Variants in TTN observed in about 807,000 individuals in gnomAD.
TTN encodes the protein connectin.
In TTN, 1,525 loss-of-function variants were observed where a neutral mutation model predicts 3,223.0. The observed-to-expected ratio is 0.47, with a 90% CI of 0.45 to 0.49. TTN has a LOEUF of 0.49. Among genes scored for constraint, TTN ranks in the 20% least tolerant of loss-of-function variants. The pLI is 0.00. For missense variants in TTN, 40,786 were observed against 43,424.0 expected (o/e 0.94, Z 5.40); for synonymous variants, 14,094 against 15,161.0 (o/e 0.93, Z 5.17).
chr2:178,673,439 G>A (rs1386954266), intron 152 of TTN, among the ~76,000 whole-genome samples, 194 bp downstream of exon 152: 1 of 151,600 alleles, frequency 6.6e-6, no homozygotes, highest in Non-Finnish European at 1.5e-5. Flanking sequence ...TAATTCATAC[G>A]TAAACACATG....
At chr2:178,543,692 C>A in intron 346 of TTN, 30 bp from the exon 347 acceptor site, 1 of 1,540,662 alleles carries the variant, frequency 6.5e-7, no homozygotes, top group South Asian at 1.2e-5. Flanking sequence ...ATTCATATTT[C>A]CTATTTGCCT....
chr2:178,708,415 GAGTA>G (rs1183559833), intron 99 of TTN, among the ~76,000 whole-genome samples: 1 of 152,174 alleles, frequency 6.6e-6, no homozygotes, highest in Admixed American at 6.5e-5. Context: ...AGACATTGAT[GAGTA>G]ACATGATAGG....
chr2:178,756,552 C>A lies in TTN; in HGVS notation c.10924G>T (p.Ala3642Ser). 6.2e-7 allele frequency: 1 copy of A among 1,611,346 alleles called. No homozygotes were observed. Among genetic ancestry groups the A allele is most frequent in the South Asian group, 1.1e-5 (1 of 90,878 alleles). ...TCCTTAGATAGCTCAGTGCTTTCTG[C>A]AATTTGTGAAAGGGATGCAGTATGG... ...LCHTASLSQI[A>S]ESTELSKECA... The change falls in exon 46 of 363, where the codon GCA (alanine) becomes TCA (serine). Residue 3642 changes from alanine to serine, a missense_variant. Coordinates refer to ENST00000589042, the MANE Select transcript of TTN (RefSeq NM_001267550.2).
At position 178,702,457 on chromosome 2, in the gene TTN, C is replaced by T; in HGVS notation, c.30430G>A (p.Glu10144Lys). 6.2e-7 allele frequency: 1 copy of T among 1,613,816 alleles called. No individual in the cohort carries two copies. The highest frequency in any genetic ancestry group is 8.5e-7 in the Non-Finnish European group (1 of 1,179,882). ...GGAAAACTGTCAATGAAATCACCTT[C>T]ATCGTCTGGGGTCACATTGTGGATG... ...MTIHNVTPDD[E>K]GVYSVIARLE... Residue 10144 changes from glutamate (E) to lysine (K), a missense_variant, in exon 107 of 363, where the codon GAA becomes AAA. Coordinates refer to ENST00000589042, the MANE Select transcript of TTN (RefSeq NM_001267550.2).
At position 178,553,613 on chromosome 2, in the gene TTN, A is replaced by G. The variant is rs886055232; in HGVS notation, c.89392T>C (p.Ser29798Pro). Residue 29798 changes from serine (S) to proline (P), a missense_variant, in exon 334 of 363, where the codon TCC (serine) becomes CCC (proline). Transcript: ENST00000589042. The part of the protein sequence containing the change: ...GEVRTTEYVV[S>P]NLKPGVNYYF... ...TAATTGACTCCAGGTTTCAGGTTGG[A>G]TACCACATATTCTGTAGTTCTGACC... 1 of 1,613,894 alleles carries G rather than the reference A, an allele frequency of 6.2e-7. No individual in the cohort carries two copies. The highest frequency in any genetic ancestry group is 8.5e-7 in the Non-Finnish European group (1 of 1,179,810).
intron 112 of TTN, 78 bp downstream of exon 112, chr2:178,698,765 T>G: frequency 7.4e-7 from 1 of 1,351,580 alleles, no homozygotes; most frequent in Middle Eastern, 1.9e-4. Flanking sequence ...TACCCTTCCT[T>G]CACCCTCCAC....
At chr2:178,792,870 C>T (rs1257055162) in intron 9 of TTN, among the ~76,000 whole-genome samples, 1 of 152,332 alleles carries the variant, frequency 6.6e-6, no homozygotes, top group East Asian at 1.9e-4. Flanking sequence ...TACTAACTGG[C>T]ATTTTCCAAT....
In TTN at chr2:178,776,585, C is replaced by A; in HGVS notation, c.5279G>T (p.Cys1760Phe). ...ATATGCAACGCCATAATCAAGGCTGCAGTACCCAAATTCATTGATCATACG... is the reference window on the plus strand; with the variant it reads ...ATATGCAACGCCATAATCAAGGCTGAAGTACCCAAATTCATTGATCATACG... The part of the protein sequence containing the change: ...RLRMINEFGY[C>F]SLDYGVAYSR... Residue 1760 changes from cysteine to phenylalanine, a missense_variant, in exon 28 of 363, where the codon TGC (cysteine) becomes TTC (phenylalanine). Coordinates refer to ENST00000589042, the MANE Select transcript of TTN (RefSeq NM_001267550.2). The A allele has an allele frequency of 6.2e-7, 1 of 1,613,834 alleles. No homozygotes were observed.
In TTN at chr2:178,711,144, G is replaced by C. The variant is rs771195179; in HGVS notation, c.28092C>G (p.Asp9364Glu). The stretch of plus-strand genomic sequence containing the variant: ...AGGAATACTGGCCTGCAAGGCTCCG[G>C]TCAGTTTTAAAAATATTGAGTGTGG... ...NTATLNIFKT[D>E]RSLAGQYSCT... Residue 9364 changes from aspartate to glutamate, a missense_variant, in exon 97 of 363, where the codon GAC becomes GAG. Physicochemically the swap from Asp to Glu is conservative, Grantham distance 45. Coordinates refer to ENST00000589042, the MANE Select transcript of TTN (RefSeq NM_001267550.2). The C allele has an allele frequency of 1.1e-5, 17 of 1,613,732 alleles. 1 individual carries two copies. The highest frequency in any genetic ancestry group is 8.0e-5 in the African/African-American group (6 of 74,920).
At chr2:178,725,256 G>A in intron 71 of TTN, 112 bp downstream of exon 71, 1 of 1,172,770 alleles carries the variant, frequency 8.5e-7, no homozygotes, top group East Asian at 2.8e-5. Context: ...CTTTCAAATA[G>A]ATGAGGATAA....
rs776748717 is a variant in TTN at position 178,727,608 on chromosome 2, C to A, written c.19970G>T (p.Cys6657Phe). The A allele has an allele frequency of 2.5e-6, 4 of 1,589,152 alleles. No individual in the cohort carries two copies. Among genetic ancestry groups the A allele is most frequent in the East Asian group, 4.5e-5 (2 of 44,624 alleles). ...ACCTGTCACAAGCAACATCGTAGTA[C>A]AAGAGTCGCTACCAACATCATTGGT... ...HVTNDVGSDS[C>F]TTMLLVTEPP... Residue 6657 changes from cysteine (C) to phenylalanine (F), a missense_variant, in exon 68 of 363, where the codon TGT becomes TTT. Cys to Phe is a radical substitution (Grantham distance 205, BLOSUM62 -2). Transcript: ENST00000589042.
chr2:178,767,302 G>GC (rs1435247773), intron 40 of TTN, among the ~76,000 whole-genome samples: 1 of 152,180 alleles, frequency 6.6e-6, no homozygotes, highest in African/African-American at 2.4e-5. Flanking sequence ...CAGGAACCCA[G>GC]CACGGCTTGG....
chr2:178,714,445 C>A lies in TTN; in HGVS notation c.26329G>T (p.Val8777Phe), dbSNP rs376823283. Residue 8777 changes from valine to phenylalanine, a missense_variant, in exon 91 of 363, where the codon GTT (valine) becomes TTT (phenylalanine). Physicochemically the swap from Val to Phe is conservative, Grantham distance 50. Transcript: ENST00000589042. ...ATCCATATGTTGTCACTTTCTCTAA[C>A]GATTTCTCCCTTATCTTTGAACCAC... ...VVWFKDKGEIVRESDNIWISY... is the reference protein window; with the variant it reads ...VVWFKDKGEIFRESDNIWISY... 4 of 1,613,672 alleles carry A rather than the reference C, an allele frequency of 2.5e-6. No individual in the cohort carries two copies. Among genetic ancestry groups the A allele is most frequent in the Admixed American group, 3.3e-5 (2 of 59,996 alleles).
chr2:178,529,814 C>T, intron 359 of TTN, 146 bp downstream of exon 359: 2 of 909,480 alleles, frequency 2.2e-6, no homozygotes, highest in South Asian at 2.0e-5. Flanking sequence ...TGTGTTTCTG[C>T]TTTGGTGTAC....
At position 178,784,215 on chromosome 2, in the gene TTN, G is replaced by T; in HGVS notation, c.2630C>A (p.Pro877His). 6.2e-7 allele frequency: 1 copy of T among 1,614,182 alleles called. No individual in the cohort carries two copies. The highest frequency in any genetic ancestry group is 1.1e-5 in the South Asian group (1 of 91,082). The change falls in exon 16 of 363, where the codon CCC becomes CAC. Residue 877 changes from proline to histidine, a missense_variant. By Grantham distance (77) the Pro-to-His change is moderately conservative. Transcript: ENST00000589042. ...SETRVRAEPT[P>H]LPQFPFADTP... is the part of the protein sequence containing the mutation. Reference sequence around the variant, plus strand: ...GTCAGCGAAGGGGAACTGTGGCAAGGGTGTGGGCTCTGCCCTTACTCTAGT... The same window carrying T: ...GTCAGCGAAGGGGAACTGTGGCAAGTGTGTGGGCTCTGCCCTTACTCTAGT...
Position 178,574,739 on chromosome 2 carries a change from T to G in TTN, c.71393A>C (p.Gln23798Pro). The G allele has an allele frequency of 6.2e-7, 1 of 1,613,084 alleles. No homozygotes were observed. Among genetic ancestry groups the G allele is most frequent in the Admixed American group, 1.7e-5 (1 of 59,944 alleles). ...TCTATTCTGAGCTTTTACACGGAAC[T>G]GATACTCTAATCCAGTAGTAAGGCG... ...ATRLTTGLEY[Q>P]FRVKAQNRYG... Residue 23798 changes from glutamine (Q) to proline (P), a missense_variant, in exon 326 of 363, where the codon CAG becomes CCG. Transcript: ENST00000589042.
At chr2:178,758,902 A>G (rs1007636417) in intron 44 of TTN, 82 bp downstream of exon 44, 6 of 1,364,652 alleles carry the variant, frequency 4.4e-6, no homozygotes, top group African/African-American at 1.4e-5. Flanking sequence ...AATGATTTAC[A>G]TGAACTCTTG....
chr2:178,664,470 T>A lies in TTN; in HGVS notation c.36270A>T (p.Val12090=). 6.2e-7 allele frequency: 1 copy of A among 1,611,354 alleles called. No individual in the cohort carries two copies. Residue 12090 remains valine, a synonymous_variant, in exon 168 of 363, where the codon GTA becomes GTT. Coordinates refer to ENST00000589042, the MANE Select transcript of TTN (RefSeq NM_001267550.2). ...CAGTTAAGAATGTACCTTTGACAGG[T>A]ACAACTTCAGCCCTTTGGGGAGGAT... The part of the protein sequence containing the change: ...KVHPPQRAEV[V]PVKVHEAPKE...
rs148231130 is a variant in TTN, at chr2:178,684,321, C to T, written c.32722+9G>A. 0.01 allele frequency: 16,637 copies of T among 1,612,448 alleles called. 108 individuals are homozygous for T. The highest frequency in any genetic ancestry group is 0.013 in the Non-Finnish European group (14,909 of 1,179,054). ...TACAATATTGTGCATAATGGAAGGG[C>T]GGATGTACCTCTTGCTTTTGGAGGC... On this transcript the variant is annotated intron_variant, in intron 132 of 362. Transcript: ENST00000589042.
Sources: allele counts gnomAD v4.1 joint callset (sites outside exome capture counted in the v4.1 genomes callset), GRCh38; gene constraint gnomAD v4.1.1; transcripts MANE v1.5; gene names NCBI Gene and HGNC (gene_info 2026-07-23, HGNC 2026-07-21).